AGMAT: variants seen among roughly 807,000 people sequenced by gnomAD.
AGMAT encodes agmatinase (putative).
Under a neutral mutation model 29.3 loss-of-function variants are expected in AGMAT, and 37 were observed. That is an observed-to-expected ratio of 1.26 (90% CI 0.97 to 1.66). AGMAT has a LOEUF of 1.66. AGMAT is among the 40% of genes most tolerant of loss of function. AGMAT has a pLI of 0.00. For missense variants in AGMAT, 498 were observed against 497.8 expected, an observed-to-expected ratio of 1.00 and a Z score of 0.00; for synonymous variants, 199 against 200.8, an observed-to-expected ratio of 0.99 and a Z score of 0.08.
At chr1:15,581,136 C>T (rs2103439226) in intron 2 of AGMAT, among the ~76,000 whole-genome samples, 1 of 152,162 alleles carries the variant, frequency 6.6e-6, no homozygotes, top group South Asian at 2.1e-4. Context: ...TCGCCTGAGC[C>T]CAGGAATTCA....
intron 5 of AGMAT, among the ~76,000 whole-genome samples, chr1:15,576,557 G>A (rs1639039333): frequency 6.6e-6 from 1 of 151,502 alleles, no homozygotes; most frequent in South Asian, 2.1e-4. Flanking sequence ...AGCCTCCCAA[G>A]TAGCTGGGAT....
Position 15,573,598 on chromosome 1 carries a change from T to C in AGMAT, c.*53A>G. On this transcript the variant is annotated 3_prime_UTR_variant, in exon 7 of 7. Transcript: ENST00000375826. ...TCTCAGACTGCTTACTCATAAGTTC[T>C]TCTTGAGAACTTGTCAGCGACGCAA... The C allele has an allele frequency of 6.4e-7, 1 of 1,554,212 alleles. No homozygotes were observed. The highest frequency in any genetic ancestry group is 8.9e-7 in the Non-Finnish European group (1 of 1,125,780).
intron 5 of AGMAT, among the ~76,000 whole-genome samples, chr1:15,576,344 C>T (rs985203199): frequency 2.0e-5 from 3 of 151,384 alleles, no homozygotes; most frequent in Non-Finnish European, 4.4e-5. Context: ...GTGAACCACC[C>T]GCCTGATGCC....
intron 2 of AGMAT, 98 bp downstream of exon 2, chr1:15,583,095 G>C (rs1464974400): frequency 1.1e-5 from 12 of 1,086,244 alleles, no homozygotes; most frequent in Non-Finnish European, 1.4e-5. Context: ...ATTTGCAGTG[G>C]CTTGCAGGGG....
At chr1:15,583,007 T>TAC (rs1434205149) in intron 2 of AGMAT, among the ~76,000 whole-genome samples, 186 bp downstream of exon 2, 8 of 151,996 alleles carry the variant, frequency 5.3e-5, no homozygotes, top group Non-Finnish European at 1.2e-4. Context: ...CACACACACA[T>TAC]ACACACACAC....
Position 15,585,002 on chromosome 1 carries a change from G to C in AGMAT, c.-35C>G. 1 of 1,278,030 alleles carries C rather than the reference G, an allele frequency of 7.8e-7. No individual in the cohort carries two copies. Among genetic ancestry groups the C allele is most frequent in the Non-Finnish European group, 9.8e-7 (1 of 1,015,324 alleles). The allele number at this position is 1,278,030 out of a possible 1,614,324, so 79.2% of individuals were successfully genotyped here. On this transcript the variant is annotated 5_prime_UTR_variant, in exon 1 of 7. Transcript: ENST00000375826. ...CGGCCAAGACCTCACCGACCAAACC[G>C]CCCGCGAGGCCGCCGCGATCTGGCT...
intron 1 of AGMAT, among the ~76,000 whole-genome samples, chr1:15,584,001 G>A (rs1639149572): frequency 6.6e-6 from 1 of 152,148 alleles, no homozygotes; most frequent in Admixed American, 6.6e-5. Flanking sequence ...TCAGATTTGG[G>A]GAAGGGGCAG....
Position 15,577,719 on chromosome 1 carries a change from C to T in AGMAT, c.866G>A (p.Gly289Glu), listed in dbSNP as rs2103437412. 6.2e-7 allele frequency: 1 copy of T among 1,614,016 alleles called. No homozygotes were observed. The highest frequency in any genetic ancestry group is 8.5e-7 in the Non-Finnish European group (1 of 1,179,892). Residue 289 changes from glycine to glutamate, a missense_variant, in exon 5 of 7, where the codon GGG becomes GAG. Physicochemically the swap from Gly to Glu is moderately conservative, Grantham distance 98. Transcript: ENST00000375826. ...ALDPAYAPGT[G>E]TPEIAGLTPS... The stretch of plus-strand genomic sequence containing the variant: ...AGTGAGACCAGCAATTTCAGGTGTC[C>T]CTGTCCCTGGCGCATAGGCAGGATC...
chr1:15,578,091 A>G (rs1639063837), intron 4 of AGMAT, among the ~76,000 whole-genome samples: 1 of 152,224 alleles, frequency 6.6e-6, no homozygotes, highest in Admixed American at 6.5e-5. Flanking sequence ...TGCTAAAGCA[A>G]GAGTGGGAAA....
At position 15,573,844 on chromosome 1, in the gene AGMAT, C is replaced by G. The variant is rs1638995179; in HGVS notation, c.986-120G>C. ...TTTTCCAGAGCCCTGTCTTGTGCAC[C>G]CCTCTAGGGTGCCCGCCAGCTGTGA... On this transcript the variant is annotated intron_variant, in intron 6 of 6. Coordinates refer to ENST00000375826, the MANE Select transcript of AGMAT (RefSeq NM_024758.5). The G allele has an allele frequency of 5.0e-6, 4 of 795,732 alleles. No individual in the cohort carries two copies. The East Asian group carries it at 1.1e-4, about 22-fold the overall frequency. 49.3% of individuals were successfully genotyped at this position (795,732 alleles called of 1,614,324 possible). A position where few individuals can be genotyped will look rare whatever the true frequency, so the allele number is the denominator to read the frequency against.
At chr1:15,583,745 G>C (rs986433530) in intron 1 of AGMAT, among the ~76,000 whole-genome samples, 1 of 152,098 alleles carries the variant, frequency 6.6e-6, no homozygotes, top group African/African-American at 2.4e-5. Context: ...TTCCTAATTT[G>C]TAAAATATTT....
chr1:15,574,889 T>C, intron 5 of AGMAT, 48 bp from the exon 6 acceptor site: 2 of 1,487,564 alleles, frequency 1.3e-6, no homozygotes, highest in Non-Finnish European at 1.9e-6. Context: ...TCATTTACAG[T>C]GAAAAGCACC....
intron 4 of AGMAT, 88 bp downstream of exon 4, chr1:15,578,771 C>T (rs139176007): frequency 1.1e-5 from 15 of 1,413,274 alleles, no homozygotes; most frequent in African/African-American, 1.4e-5. Context: ...ATTAGTAAAG[C>T]CCCCGCTCAA....
At chr1:15,576,437 GT>G (rs947850717) in intron 5 of AGMAT, among the ~76,000 whole-genome samples, 9 of 142,678 alleles carry the variant, frequency 6.3e-5, no homozygotes, top group South Asian at 4.5e-4. Context: ...TGGTTGGTTG[GT>G]TTTTTTTTTG....
At chr1:15,580,067 G>A in intron 3 of AGMAT, 27 bp downstream of exon 3, 1 of 1,609,278 alleles carries the variant, frequency 6.2e-7, no homozygotes, top group South Asian at 1.1e-5. Context: ...TTGAAATCTT[G>A]CTGGGCCCAA....
At chr1:15,574,956 A>G in intron 5 of AGMAT, 115 bp from the exon 6 acceptor site, 2 of 767,552 alleles carry the variant, frequency 2.6e-6, no homozygotes, top group South Asian at 1.5e-5. Flanking sequence ...CTTTCCCTCC[A>G]TAAACATTTG....
chr1:15,579,520 C>T (rs989157465), intron 3 of AGMAT, among the ~76,000 whole-genome samples: 1 of 152,080 alleles, frequency 6.6e-6, no homozygotes, highest in African/African-American at 2.4e-5. Context: ...AGACCTGCAC[C>T]CTCCCACCTC....
At chr1:15,584,512 G>T (rs1169711642) in intron 1 of AGMAT, among the ~76,000 whole-genome samples, 184 bp downstream of exon 1, 1 of 152,072 alleles carries the variant, frequency 6.6e-6, no homozygotes, top group African/African-American at 2.4e-5. Flanking sequence ...TTGAGCCCTG[G>T]GGTTTGCTTA....
chr1:15,584,153 C>CT (rs775219573), intron 1 of AGMAT, among the ~76,000 whole-genome samples: 2 of 152,048 alleles, frequency 1.3e-5, no homozygotes, highest in East Asian at 1.9e-4. Flanking sequence ...CTTCTTTTTT[C>CT]TTTTTTTGAG....
Sources: allele counts gnomAD v4.1 joint callset (sites outside exome capture counted in the v4.1 genomes callset), GRCh38; gene constraint gnomAD v4.1.1; transcripts MANE v1.5; gene names NCBI Gene and HGNC (gene_info 2026-07-23, HGNC 2026-07-21).